Variants in MBNL1 observed in about 807,000 individuals in gnomAD.
MBNL1 encodes muscleblind-like protein 1.
A neutral mutation model predicts 42.2 loss-of-function variants in MBNL1; 8 were observed. That is an observed-to-expected ratio of 0.19 (90% CI 0.11 to 0.34). The LOEUF (loss-of-function observed/expected upper bound fraction) is 0.34, where lower values mean the gene tolerates loss of function less well. MBNL1 is among the 10% of genes least tolerant of loss of function. The pLI is 1.00. For missense variants in MBNL1, 309 were observed against 495.3 expected (o/e 0.62, Z 3.57); for synonymous variants, 169 against 173.9 (o/e 0.97, Z 0.22).
At chr3:152,279,454 A>G (rs866911643) in intron 1 of MBNL1, among the ~76,000 whole-genome samples, 19 of 152,132 alleles carry the variant, frequency 1.2e-4, no homozygotes, top group African/African-American at 2.9e-4. Context: ...AACTTCACCC[A>G]TACAACAACT....
At chr3:152,373,698 A>T (rs1275759365) in intron 2 of MBNL1, among the ~76,000 whole-genome samples, 1 of 152,098 alleles carries the variant, frequency 6.6e-6, no homozygotes, top group East Asian at 1.9e-4. Flanking sequence ...AAATGCAGAA[A>T]TCACCCACTT....
intron 8 of MBNL1, chr3:152,458,891 A>G (rs1580894009): frequency 6.2e-6 from 1 of 160,520 alleles, no homozygotes; most frequent in East Asian, 1.8e-4. Flanking sequence ...GTTGCACAAA[A>G]ATAGGCAAGA....
chr3:152,420,273 A>G (rs989307954), intron 3 of MBNL1, among the ~76,000 whole-genome samples: 2 of 152,192 alleles, frequency 1.3e-5, no homozygotes, highest in Non-Finnish European at 2.9e-5. Flanking sequence ...CTGCTAAGGG[A>G]CAGACTGCCT....
chr3:152,432,421 G>C (rs2099019087), intron 3 of MBNL1, among the ~76,000 whole-genome samples: 1 of 151,656 alleles, frequency 6.6e-6, no homozygotes, highest in Non-Finnish European at 1.5e-5. Context: ...TTTCTGCATA[G>C]TTTATCTATT....
At chr3:152,440,930 C>T (rs1297273341) in intron 4 of MBNL1, among the ~76,000 whole-genome samples, 1 of 152,096 alleles carries the variant, frequency 6.6e-6, no homozygotes, top group Non-Finnish European at 1.5e-5. Context: ...GTCCATGCTG[C>T]TTATTGGTGA....
In MBNL1 at chr3:152,464,765, T is replaced by G. The variant is rs1749544362; in HGVS notation, c.*2399T>G. 1.3e-5 allele frequency: 2 copies of G among 152,642 alleles called. No homozygotes were observed. Among genetic ancestry groups the G allele is most frequent in the African/African-American group, 4.8e-5 (2 of 41,468 alleles). 9.5% of individuals were successfully genotyped at this position (152,642 alleles called of 1,614,324 possible). A position where few individuals can be genotyped will look rare whatever the true frequency, so the allele number is the denominator to read the frequency against. On this transcript the variant is annotated 3_prime_UTR_variant, in exon 10 of 10. Coordinates refer to ENST00000324210, the MANE Select transcript of MBNL1 (RefSeq NM_021038.5). ...TGTGCAAACTCTTGAGGGTTGATTA[T>G]GCTGCAATTTAGCATGTTGGAACGT...
In MBNL1 at chr3:152,435,077, C is replaced by T. The variant is rs542099917; in HGVS notation, c.549+2157C>T. Among the ~76,000 whole-genome samples, 7 of 150,244 alleles carry T rather than the reference C, an allele frequency of 4.7e-5. No homozygotes were observed. The South Asian group carries it at 1.5e-3, about 32-fold the overall frequency. On this transcript the variant is annotated intron_variant, in intron 4 of 9. Coordinates refer to ENST00000324210, the MANE Select transcript of MBNL1 (RefSeq NM_021038.5). The stretch of plus-strand genomic sequence containing the variant: ...ATTTTTCCATTTTTTTTTTTCGTTG[C>T]GATTGCTTTTGGCATATTTGTCATG...
At chr3:152,450,143 A>C (rs1719455729) in intron 6 of MBNL1, among the ~76,000 whole-genome samples, 1 of 151,300 alleles carries the variant, frequency 6.6e-6, no homozygotes, top group Non-Finnish European at 1.5e-5. Context: ...AACAACAAAT[A>C]TATATACACA....
intron 1 of MBNL1, among the ~76,000 whole-genome samples, chr3:152,270,489 T>C (rs1301095957): frequency 6.6e-6 from 1 of 151,678 alleles, no homozygotes; most frequent in Non-Finnish European, 1.5e-5. Flanking sequence ...CACAGTTATC[T>C]CTCTGTGTGG....
intron 2 of MBNL1, among the ~76,000 whole-genome samples, chr3:152,309,299 A>G (rs2065038276): frequency 1.3e-5 from 2 of 152,180 alleles, no homozygotes; most frequent in Admixed American, 6.5e-5. Context: ...AACGACCTGT[A>G]TTTTAACCCT....
intron 2 of MBNL1, among the ~76,000 whole-genome samples, chr3:152,309,185 A>C (rs886649115): frequency 6.6e-6 from 1 of 152,158 alleles, no homozygotes; most frequent in Admixed American, 6.5e-5. Context: ...TGACATCACA[A>C]GTGGGAATAA....
At chr3:152,247,603 A>T (rs1303558753) in intron 2 of MBNL1, among the ~76,000 whole-genome samples, 1 of 151,996 alleles carries the variant, frequency 6.6e-6, no homozygotes, top group Non-Finnish European at 1.5e-5. Context: ...TAATCTTTAA[A>T]ATATAACTTG....
chr3:152,381,334 G>A (rs1046685332), intron 2 of MBNL1, among the ~76,000 whole-genome samples: 1 of 151,770 alleles, frequency 6.6e-6, no homozygotes, highest in Non-Finnish European at 1.5e-5. Flanking sequence ...AAAGCCCATG[G>A]CATATTGAGC....
At chr3:152,248,401 A>G (rs1200538128) in intron 2 of MBNL1, among the ~76,000 whole-genome samples, 2 of 152,036 alleles carry the variant, frequency 1.3e-5, no homozygotes, top group Admixed American at 6.6e-5. Context: ...TGTAAAAATA[A>G]AAAAGTATAA....
At chr3:152,336,345 T>G (rs2090163823) in intron 2 of MBNL1, among the ~76,000 whole-genome samples, 1 of 152,190 alleles carries the variant, frequency 6.6e-6, no homozygotes, top group Admixed American at 6.6e-5. Context: ...CAAACTGCAA[T>G]TGATTTTTAA....
At chr3:152,444,781 T>C (rs2099198082) in intron 4 of MBNL1, among the ~76,000 whole-genome samples, 1 of 152,114 alleles carries the variant, frequency 6.6e-6, no homozygotes, top group Non-Finnish European at 1.5e-5. Context: ...TTTGGGAGAG[T>C]ACTAGTCGGT....
chr3:152,311,460 G>T (rs1298789780), intron 2 of MBNL1, among the ~76,000 whole-genome samples: 3 of 152,090 alleles, frequency 2.0e-5, no homozygotes, highest in Admixed American at 2.0e-4. Context: ...TTAAAATCCA[G>T]ATGAAACCAT....
intron 2 of MBNL1, among the ~76,000 whole-genome samples, chr3:152,337,219 G>A (rs2090850032): frequency 6.6e-6 from 1 of 152,184 alleles, no homozygotes; most frequent in Non-Finnish European, 1.5e-5. Context: ...TTGAAGAGCT[G>A]TGAATGGTGG....
chr3:152,362,703 G>C (rs1329898100), intron 2 of MBNL1, among the ~76,000 whole-genome samples: 5 of 151,974 alleles, frequency 3.3e-5, no homozygotes, highest in African/African-American at 7.3e-5. Flanking sequence ...CATATCTCTG[G>C]GTATTGCCAA....
Sources: gnomAD v4.1 joint callset for allele counts (sites outside exome capture counted in the v4.1 genomes callset) on GRCh38, gnomAD v4.1.1 for gene constraint, MANE v1.5 for transcripts, NCBI Gene and HGNC (gene_info 2026-07-23, HGNC 2026-07-21) for gene names.